Variants in RABEP2 observed in about 807,000 individuals in gnomAD.
RABEP2 encodes rab GTPase-binding effector protein 2.
RABEP2 carries 57 observed loss-of-function variants against 74.1 expected under a neutral mutation model. The observed-to-expected ratio is 0.77, with a 90% CI of 0.62 to 0.96. The LOEUF (loss-of-function observed/expected upper bound fraction) is 0.96. Ranked by LOEUF, RABEP2 falls within the 40% of genes least tolerant of loss-of-function variation. The probability of loss-of-function intolerance (pLI) is 0.00; values close to 1 mark genes in which losing one functional copy is unlikely to be tolerated. For missense variants in RABEP2, 692 were observed against 756.3 expected (o/e 0.91, Z 1.00); for synonymous variants, 351 against 344.0 (o/e 1.02, Z -0.23).
Position 28,904,653 on chromosome 16 carries a change from C to G in RABEP2, c.*290G>C. ...GGGACGGGCTGGGGGCAGGGGAGGG[C>G]TGGAGCCCAGGAGGCAGCACAGCAG... is the stretch of plus-strand genomic sequence containing the variant. On this transcript the variant is annotated 3_prime_UTR_variant, in exon 13 of 13. Coordinates refer to ENST00000358201, the MANE Select transcript of RABEP2 (RefSeq NM_024816.3). 1 of 791,274 alleles carries G rather than the reference C, an allele frequency of 1.3e-6. No individual in the cohort carries two copies. Among genetic ancestry groups the G allele is most frequent in the Non-Finnish European group, 1.9e-6 (1 of 536,068 alleles). 49.0% of individuals were successfully genotyped at this position (791,274 alleles called of 1,614,324 possible).
intron 1 of RABEP2, 126 bp downstream of exon 1, chr16:28,924,977 C>CAGCA: frequency 8.6e-7 from 1 of 1,157,074 alleles, no homozygotes; most frequent in Non-Finnish European, 1.2e-6. Context: ...GCCCCGCCCC[C>CAGCA]TTTCCCGACG....
chr16:28,919,508 A>G (rs542945276), intron 3 of RABEP2, among the ~76,000 whole-genome samples: 28 of 152,360 alleles, frequency 1.8e-4, no homozygotes, highest in African/African-American at 6.5e-4. Flanking sequence ...ATTTAATAAC[A>G]GTAAGAATTT....
intron 8 of RABEP2, among the ~76,000 whole-genome samples, chr16:28,908,337 G>T (rs1023442629): frequency 2.0e-5 from 3 of 152,206 alleles, no homozygotes; most frequent in Non-Finnish European, 4.4e-5. Flanking sequence ...ATTCAATCTT[G>T]TGGCTCGCGT....
Position 28,911,119 on chromosome 16 carries a change from C to A in RABEP2, c.955G>T (p.Gly319Cys), listed in dbSNP as rs1964306457. Reference protein sequence around the residue: ...VSRERDELQEGLRRSNEDCAK... With the variant: ...VSRERDELQECLRRSNEDCAK... ...CAGTCCTCATTGCTCCGTCTCAGGC[C>A]CTCTTGGAGCTCGTCCCGCTCGCGA... Residue 319 changes from glycine to cysteine, a missense_variant, in exon 6 of 13, where the codon GGC becomes TGC. Transcript: ENST00000358201. The A allele has an allele frequency of 6.2e-7, 1 of 1,613,280 alleles. No individual in the cohort carries two copies. Among genetic ancestry groups the A allele is most frequent in the African/African-American group, 1.3e-5 (1 of 75,054 alleles).
chr16:28,906,198 T>C lies in RABEP2; in HGVS notation c.1246-2A>G. On this transcript the variant is annotated splice_acceptor_variant, in intron 8 of 12. Coordinates refer to ENST00000358201, the MANE Select transcript of RABEP2 (RefSeq NM_024816.3). LOFTEE classifies it high-confidence loss of function. Reference sequence around the variant, plus strand: ...GCAGCACAGCAGCTGCTGCAGCTCCTGGAAGGGACGGAGGAGTCACCTGCT... The same window carrying C: ...GCAGCACAGCAGCTGCTGCAGCTCCCGGAAGGGACGGAGGAGTCACCTGCT... The C allele has an allele frequency of 6.3e-7, 1 of 1,581,954 alleles. No individual in the cohort carries two copies. The highest frequency in any genetic ancestry group is 8.5e-7 in the Non-Finnish European group (1 of 1,171,356).
chr16:28,909,499 G>A (rs1197717985), intron 7 of RABEP2, among the ~76,000 whole-genome samples: 1 of 152,112 alleles, frequency 6.6e-6, no homozygotes, highest in African/African-American at 2.4e-5. Flanking sequence ...GGTCACTTGA[G>A]GCCAGGAGTT....
At chr16:28,906,362 C>T (rs1433253604) in intron 8 of RABEP2, among the ~76,000 whole-genome samples, 166 bp from the exon 9 acceptor site, 1 of 152,212 alleles carries the variant, frequency 6.6e-6, no homozygotes, top group Non-Finnish European at 1.5e-5. Context: ...GGGAGGAGGA[C>T]AGGTGCGCTC....
chr16:28,924,350 T>C, intron 2 of RABEP2, 53 bp downstream of exon 2: 1 of 1,538,720 alleles, frequency 6.5e-7, no homozygotes, highest in Non-Finnish European at 8.9e-7. Context: ...TTTCTCGTCA[T>C]GCACTCCCCA....
chr16:28,915,358 T>C (rs1032950515), intron 3 of RABEP2, among the ~76,000 whole-genome samples: 19 of 149,800 alleles, frequency 1.3e-4, no homozygotes, highest in African/African-American at 4.7e-4. Flanking sequence ...AGCATCTGGG[T>C]TGGGATTACA....
rs187036213 is a variant in RABEP2, at chr16:28,908,514, A to G, written c.1245+95T>C. ...AAATGAGTTAGCCAAGCAAATACAC[A>G]GCACCCTGGCTGGTCGTGACCAACG... On this transcript the variant is annotated intron_variant, in intron 8 of 12. Coordinates refer to ENST00000358201, the MANE Select transcript of RABEP2 (RefSeq NM_024816.3). The G allele has an allele frequency of 1.3e-3, 1,784 of 1,363,980 alleles. 20 individuals carry two copies. The highest frequency in any genetic ancestry group is 0.013 in the South Asian group (866 of 67,288). The allele number at this position is 1,363,980 out of a possible 1,614,324, so 84.5% of individuals were successfully genotyped here.
At chr16:28,918,236 C>T (rs1195348412) in intron 3 of RABEP2, among the ~76,000 whole-genome samples, 10 of 151,686 alleles carry the variant, frequency 6.6e-5, no homozygotes, top group East Asian at 5.9e-4. Context: ...CCCGCCACCG[C>T]GCCTGGCTAA....
In RABEP2 at chr16:28,914,577, G is replaced by C; in HGVS notation, c.553C>G (p.Arg185Gly). The change falls in exon 5 of 13, where the codon CGG becomes GGG. Residue 185 changes from arginine (R) to glycine (G), a missense_variant. Physicochemically the swap from Arg to Gly is moderately radical, Grantham distance 125. Coordinates refer to ENST00000358201, the MANE Select transcript of RABEP2 (RefSeq NM_024816.3). ...ELIQEIQRRP[R>G]HAPSLHGSTE... Reference sequence around the variant, plus strand: ...GAGCCGTGCAGGGAAGGGGCATGCCGGGGACGTCTCTAGGGAAGGGGGCAG... The same window carrying C: ...GAGCCGTGCAGGGAAGGGGCATGCCCGGGACGTCTCTAGGGAAGGGGGCAG... 6.2e-7 allele frequency: 1 copy of C among 1,608,750 alleles called. No homozygotes were observed. Among genetic ancestry groups the C allele is most frequent in the Non-Finnish European group, 8.5e-7 (1 of 1,177,108 alleles).
At chr16:28,923,076 G>C (rs1278596477) in intron 2 of RABEP2, among the ~76,000 whole-genome samples, 1 of 152,044 alleles carries the variant, frequency 6.6e-6, no homozygotes, top group African/African-American at 2.4e-5. Context: ...TACTCATAAA[G>C]CATTTAGCTC....
At chr16:28,909,724 T>A (rs1168790696) in intron 7 of RABEP2, among the ~76,000 whole-genome samples, 7 of 138,370 alleles carry the variant, frequency 5.1e-5, no homozygotes, top group African/African-American at 1.6e-4. Flanking sequence ...CACCATTTCT[T>A]AAAAAAAAAA....
intron 2 of RABEP2, 92 bp from the exon 3 acceptor site, chr16:28,920,035 T>G: frequency 7.4e-7 from 1 of 1,352,160 alleles, no homozygotes; most frequent in Non-Finnish European, 9.8e-7. Context: ...CACTGACTCT[T>G]TCTGTGAGAC....
intron 3 of RABEP2, among the ~76,000 whole-genome samples, chr16:28,917,585 A>G (rs2152222370): frequency 6.6e-6 from 1 of 152,120 alleles, no homozygotes; most frequent in African/African-American, 2.4e-5. Flanking sequence ...ATGCCTGGCT[A>G]ATTTCTGTAC....
chr16:28,904,718 G>A lies in RABEP2; in HGVS notation c.*225C>T. The A allele has an allele frequency of 1.6e-6, 1 of 638,716 alleles. No individual in the cohort carries two copies. Among genetic ancestry groups the A allele is most frequent in the East Asian group, 2.9e-5 (1 of 34,066 alleles). The allele number at this position is 638,716 out of a possible 1,614,324, so 39.6% of individuals were successfully genotyped here. A position where few individuals can be genotyped will look rare whatever the true frequency, so the allele number is the denominator to read the frequency against. ...GCCTGAGCCTGCACCTTTGGTTCCGGGAGGGGCTTGGGCCCCTCACCCAGG... is the reference window on the plus strand; with the variant it reads ...GCCTGAGCCTGCACCTTTGGTTCCGAGAGGGGCTTGGGCCCCTCACCCAGG... On this transcript the variant is annotated 3_prime_UTR_variant, in exon 13 of 13. Coordinates refer to ENST00000358201, the MANE Select transcript of RABEP2 (RefSeq NM_024816.3).
chr16:28,911,161 C>A lies in RABEP2; in HGVS notation c.913G>T (p.Asp305Tyr), dbSNP rs765209053. The A allele has an allele frequency of 1.9e-6, 3 of 1,611,280 alleles. No individual in the cohort carries two copies. The highest frequency in any genetic ancestry group is 2.5e-6 in the Non-Finnish European group (3 of 1,180,012). Residue 305 changes from aspartate to tyrosine, a missense_variant, in exon 6 of 13, where the codon GAC (aspartate) becomes TAC (tyrosine). Coordinates refer to ENST00000358201, the MANE Select transcript of RABEP2 (RefSeq NM_024816.3). ...CGCTCGCGACTGACGCTCTCCAGGTCCTTCTGCAGCTGTCGGCCCTGCCAC... is the reference window on the plus strand; with the variant it reads ...CGCTCGCGACTGACGCTCTCCAGGTACTTCTGCAGCTGTCGGCCCTGCCAC... The part of the protein sequence containing the change: ...LQTEGRQLQK[D>Y]LESVSRERDE...
At position 28,905,433 on chromosome 16, in the gene RABEP2, C is replaced by T. The variant is rs1457107176; in HGVS notation, c.1572G>A (p.Val524=). 9 of 1,607,478 alleles carry T rather than the reference C, an allele frequency of 5.6e-6. No homozygotes were observed. The highest frequency in any genetic ancestry group is 7.6e-6 in the Non-Finnish European group (9 of 1,177,904). ...GGGACAGTCGCACGAAATCCCTCTGCACCTGCTCACTGGTCTCCAGCTCTG... is the reference window on the plus strand; with the variant it reads ...GGGACAGTCGCACGAAATCCCTCTGTACCTGCTCACTGGTCTCCAGCTCTG... ...LQAELETSEQ[V]QRDFVRLSQA... Residue 524 remains valine, a synonymous_variant, in exon 12 of 13, where the codon GTG becomes GTA. Coordinates refer to ENST00000358201, the MANE Select transcript of RABEP2 (RefSeq NM_024816.3).
Sources: gnomAD v4.1 joint callset for allele counts (sites outside exome capture counted in the v4.1 genomes callset) on GRCh38, gnomAD v4.1.1 for gene constraint, MANE v1.5 for transcripts, NCBI Gene and HGNC (gene_info 2026-07-23, HGNC 2026-07-21) for gene names.